Variants in OR51B5 observed in about 807,000 individuals in gnomAD.
The protein encoded by OR51B5 is olfactory receptor family 51 subfamily B member 5, also known as olfactory receptor 51B5.
For synonymous variants in OR51B5, 186 were observed against 144.8 expected, an observed-to-expected ratio of 1.28 and a Z score of -2.04; for missense variants, 456 against 374.6, an observed-to-expected ratio of 1.22 and a Z score of -1.79.
At chr11:5,476,284 C>T (rs1476576276) in intron 1 of OR51B5, among the ~76,000 whole-genome samples, 1 of 152,166 alleles carries the variant, frequency 6.6e-6, no homozygotes, top group Non-Finnish European at 1.5e-5. Context: ...GAAACAGATT[C>T]ATATTTTGCA....
intron 1 of OR51B5, among the ~76,000 whole-genome samples, chr11:5,421,761 A>C (rs1054295610): frequency 8.5e-5 from 13 of 152,220 alleles, no homozygotes; most frequent in Non-Finnish European, 1.3e-4. Context: ...GTCAAAGGAG[A>C]TATTTGGAAA....
intron 1 of OR51B5, among the ~76,000 whole-genome samples, chr11:5,370,691 G>A (rs1849434053): frequency 6.6e-6 from 1 of 152,068 alleles, no homozygotes; most frequent in African/African-American, 2.4e-5. Flanking sequence ...AAATACATTG[G>A]TGCATATATT....
At position 5,428,146 on chromosome 11, in the gene OR51B5, C is replaced by T. The variant is rs554952070; in HGVS notation, n.84+77423G>A. ...AATACTCTATATATATCCCAAAAGA[C>T]ATGCTCAACAAGTAAATTTATCATA... On this transcript the variant is annotated intron_variant and non_coding_transcript_variant, in intron 1 of 4. Transcript: ENST00000415970. Among the ~76,000 whole-genome samples, 4 of 149,882 alleles carry T rather than the reference C, an allele frequency of 2.7e-5. No individual in the cohort carries two copies. The East Asian group carries it at 5.8e-4, about 22-fold the overall frequency.
downstream of OR51B5, among the ~76,000 whole-genome samples, chr11:5,341,765 T>C (rs1848897226): frequency 6.6e-6 from 1 of 152,192 alleles, no homozygotes; most frequent in Non-Finnish European, 1.5e-5. Flanking sequence ...AGGAACTGTC[T>C]CTTCCACTAA....
chr11:5,466,871 G>A (rs1055453885), intron 1 of OR51B5, among the ~76,000 whole-genome samples: 4 of 152,210 alleles, frequency 2.6e-5, no homozygotes, highest in African/African-American at 7.2e-5. Context: ...GCCCCAGAAC[G>A]CCACAGGTTT....
intron 1 of OR51B5, among the ~76,000 whole-genome samples, chr11:5,461,114 G>A (rs1227404670): frequency 1.3e-5 from 2 of 151,870 alleles, no homozygotes; most frequent in Non-Finnish European, 2.9e-5. Context: ...GTGTGAGGGT[G>A]CACAAGCGGA....
At chr11:5,439,142 G>C (rs372553772) in intron 1 of OR51B5, among the ~76,000 whole-genome samples, 7 of 151,794 alleles carry the variant, frequency 4.6e-5, no homozygotes, top group African/African-American at 1.5e-4. Flanking sequence ...TGCCTGAATG[G>C]GAGCCCTAAA....
chr11:5,352,876 T>C (rs1849123497), intron 1 of OR51B5, among the ~76,000 whole-genome samples: 1 of 147,962 alleles, frequency 6.8e-6, no homozygotes. Flanking sequence ...TATCTGTGTG[T>C]GTTTATATAT....
chr11:5,472,685 G>A (rs964249043), intron 1 of OR51B5, among the ~76,000 whole-genome samples: 1 of 152,228 alleles, frequency 6.6e-6, no homozygotes, highest in Admixed American at 6.5e-5. Flanking sequence ...TTGTCCTGAA[G>A]TGATCAACAT....
At chr11:5,383,882 T>C (rs2647553) in intron 1 of OR51B5, 61,825 of 151,988 alleles carry the variant, frequency 0.41, 12,775 homozygotes, top group South Asian at 0.54. Context: ...CTTTGGAACC[T>C]ACTCATTGGC....
intron 1 of OR51B5, among the ~76,000 whole-genome samples, chr11:5,381,276 G>T (rs1306035015): frequency 6.6e-6 from 1 of 152,086 alleles, no homozygotes; most frequent in South Asian, 2.1e-4. Flanking sequence ...AATGGATTTA[G>T]ATTCTTTAAT....
At chr11:5,352,119 G>T (rs773010539) in intron 1 of OR51B5, 10 of 1,613,984 alleles carry the variant, frequency 6.2e-6, no homozygotes, top group Non-Finnish European at 8.5e-6. Flanking sequence ...TATTTGCAAT[G>T]GTCTTGTTGG....
intron 1 of OR51B5, among the ~76,000 whole-genome samples, chr11:5,419,695 C>T (rs983518590): frequency 6.6e-5 from 10 of 152,042 alleles, no homozygotes; most frequent in African/African-American, 2.4e-4. Flanking sequence ...CCTCTCACAT[C>T]GAGAAACGAT....
At chr11:5,378,051 C>T (rs775660915) in intron 1 of OR51B5, among the ~76,000 whole-genome samples, 2 of 152,170 alleles carry the variant, frequency 1.3e-5, no homozygotes, top group Non-Finnish European at 2.9e-5. Flanking sequence ...GGCTACCTCA[C>T]TTCAAACTAT....
intron 1 of OR51B5, among the ~76,000 whole-genome samples, chr11:5,368,666 A>G (rs937983567): frequency 6.6e-6 from 1 of 152,216 alleles, no homozygotes; most frequent in African/African-American, 2.4e-5. Context: ...GTGAGAAAGC[A>G]GAGCATAGTA....
chr11:5,494,467 G>T (rs1271773508), intron 1 of OR51B5, among the ~76,000 whole-genome samples: 4 of 152,114 alleles, frequency 2.6e-5, no homozygotes, highest in African/African-American at 7.2e-5. Flanking sequence ...ATTCAGCACA[G>T]GAACCATACT....
intron 1 of OR51B5, chr11:5,422,283 G>C: frequency 3.7e-6 from 6 of 1,614,038 alleles, no homozygotes; most frequent in Non-Finnish European, 5.1e-6. Flanking sequence ...TCCCACATCT[G>C]GATCTCCATC....
intron 1 of OR51B5, among the ~76,000 whole-genome samples, chr11:5,350,606 C>A (rs927240573): frequency 6.6e-6 from 1 of 152,090 alleles, no homozygotes; most frequent in Non-Finnish European, 1.5e-5. Context: ...AAAAATTCTC[C>A]TTGATCTTGC....
At chr11:5,492,537 T>A (rs1342195034) in intron 1 of OR51B5, among the ~76,000 whole-genome samples, 1 of 152,188 alleles carries the variant, frequency 6.6e-6, no homozygotes, top group East Asian at 1.9e-4. Flanking sequence ...AATTGGTCCC[T>A]TTCTCTGTGT....
Sources: allele counts gnomAD v4.1 joint callset (sites outside exome capture counted in the v4.1 genomes callset), GRCh38; gene constraint gnomAD v4.1.1; transcripts MANE v1.5; gene names NCBI Gene and HGNC (gene_info 2026-07-23, HGNC 2026-07-21).